The following PDE8B variants were observed in gnomAD, a reference collection of about 807,000 sequenced individuals.
The protein encoded by PDE8B is phosphodiesterase 8B.
In PDE8B, 26 loss-of-function variants were observed where a neutral mutation model predicts 101.3. The ratio of observed to expected loss-of-function variants is 0.26; its 90% CI spans 0.19 to 0.36. The LOEUF is 0.36. PDE8B is among the 10% of genes least tolerant of loss of function. The probability of loss-of-function intolerance (pLI) is 1.00; values close to 1 mark genes in which losing one functional copy is unlikely to be tolerated. For synonymous variants in PDE8B, 424 were observed against 429.3 expected (o/e 0.99, Z 0.15); for missense variants, 810 against 1,163.1 (o/e 0.70, Z 4.42).
At chr5:77,419,743 C>T (rs1362708289) in intron 18 of PDE8B, 24 bp from the exon 19 acceptor site, 4 of 1,613,326 alleles carry the variant, frequency 2.5e-6, no homozygotes, top group Non-Finnish European at 3.4e-6. Flanking sequence ...GTGAACAAGC[C>T]CCTTTGTCTT....
the PDE8B span, among the ~76,000 whole-genome samples, chr5:77,132,238 C>A: frequency 6.6e-6 from 1 of 152,030 alleles, no homozygotes; most frequent in East Asian, 1.9e-4. Context: ...AGCCCATGTC[C>A]CACCCCTCAT....
intron 1 of PDE8B, among the ~76,000 whole-genome samples, chr5:77,233,803 T>G (rs974469603): frequency 6.8e-4 from 103 of 152,112 alleles, no homozygotes; most frequent in African/African-American, 2.2e-3. Flanking sequence ...TTTGAGTTTT[T>G]TTTTTTTTTA....
chr5:77,091,590 G>A, the PDE8B span, among the ~76,000 whole-genome samples: 5 of 152,242 alleles, frequency 3.3e-5, no homozygotes, highest in East Asian at 1.9e-4. Context: ...GCAGCGAGCC[G>A]AGATCGTGCA....
At chr5:77,209,116 G>T (rs996197990), upstream of PDE8B, among the ~76,000 whole-genome samples, 3 of 152,132 alleles carry the variant, frequency 2.0e-5, no homozygotes, top group African/African-American at 7.2e-5. Flanking sequence ...TGAGCAATTT[G>T]CCTGTCCATT....
the PDE8B span, among the ~76,000 whole-genome samples, chr5:77,128,474 G>A: frequency 6.6e-6 from 1 of 152,234 alleles, no homozygotes; most frequent in African/African-American, 2.4e-5. Flanking sequence ...TTTATGGGTT[G>A]TGCATGCATG....
the PDE8B span, among the ~76,000 whole-genome samples, chr5:77,130,685 T>C: frequency 6.6e-6 from 1 of 152,062 alleles, no homozygotes; most frequent in Non-Finnish European, 1.5e-5. Context: ...CATAATCAAA[T>C]ACATTGATAT....
At chr5:77,265,675 T>C (rs887864102) in intron 1 of PDE8B, among the ~76,000 whole-genome samples, 1 of 152,242 alleles carries the variant, frequency 6.6e-6, no homozygotes, top group Non-Finnish European at 1.5e-5. Flanking sequence ...GTACCTTCCC[T>C]CTCTGGGCTC....
At chr5:77,125,858 TA>T in the PDE8B span, among the ~76,000 whole-genome samples, 26 of 151,952 alleles carry the variant, frequency 1.7e-4, no homozygotes, top group African/African-American at 5.6e-4. Flanking sequence ...TTTAGGGTGA[TA>T]AAAAAAATTC....
At chr5:77,339,575 G>A (rs1452979927) in intron 6 of PDE8B, among the ~76,000 whole-genome samples, 2 of 152,110 alleles carry the variant, frequency 1.3e-5, no homozygotes, top group African/African-American at 4.8e-5. Flanking sequence ...GGGACATCTA[G>A]CACATATACC....
intron 1 of PDE8B, among the ~76,000 whole-genome samples, chr5:77,252,511 T>A (rs967592024): frequency 6.6e-6 from 1 of 152,218 alleles, no homozygotes; most frequent in Non-Finnish European, 1.5e-5. Context: ...ATTGGGCACG[T>A]TGGTCCTAAT....
the PDE8B span, among the ~76,000 whole-genome samples, chr5:77,096,229 T>A: frequency 2.0e-5 from 3 of 152,212 alleles, no homozygotes; most frequent in African/African-American, 7.2e-5. Flanking sequence ...CCTCAAGTGA[T>A]CTGCCTGCCT....
chr5:77,336,181 T>TA (rs1239029011), intron 5 of PDE8B, among the ~76,000 whole-genome samples: 1 of 152,216 alleles, frequency 6.6e-6, no homozygotes, highest in African/African-American at 2.4e-5. Context: ...AGTTTATTTA[T>TA]AAATACATGA....
the PDE8B span, among the ~76,000 whole-genome samples, chr5:77,156,769 C>T: frequency 6.6e-6 from 1 of 152,090 alleles, no homozygotes; most frequent in Non-Finnish European, 1.5e-5. Flanking sequence ...CCTCTGTTCA[C>T]CCACTTTCTG....
At chr5:77,399,746 G>A (rs1791859535) in intron 10 of PDE8B, among the ~76,000 whole-genome samples, 1 of 152,202 alleles carries the variant, frequency 6.6e-6, no homozygotes, top group Admixed American at 6.5e-5. Context: ...CTAAAGTTCA[G>A]ATCTCATCGT....
intron 15 of PDE8B, 142 bp from the exon 16 acceptor site, chr5:77,411,958 A>G (rs1581562386): frequency 2.4e-6 from 2 of 850,338 alleles, no homozygotes; most frequent in South Asian, 1.4e-5. Flanking sequence ...TTATTTTTCT[A>G]TTTGAGGGTC....
At chr5:77,226,576 TAC>T (rs1752441632) in intron 1 of PDE8B, among the ~76,000 whole-genome samples, 1 of 152,250 alleles carries the variant, frequency 6.6e-6, no homozygotes, top group Admixed American at 6.5e-5. Flanking sequence ...TTTCATATCA[TAC>T]AGTCTAATTT....
chr5:77,155,141 C>T, the PDE8B span, among the ~76,000 whole-genome samples: 1 of 152,062 alleles, frequency 6.6e-6, no homozygotes, highest in African/African-American at 2.4e-5. Flanking sequence ...TCTCCCTCCT[C>T]TCTCTCTCTC....
At chr5:77,163,824 T>C in the PDE8B span, among the ~76,000 whole-genome samples, 4 of 152,168 alleles carry the variant, frequency 2.6e-5, no homozygotes, top group African/African-American at 9.7e-5. Context: ...GTATGTAGAG[T>C]CACAGTTTAA....
chr5:77,389,343 GT>G (rs1352112537), intron 10 of PDE8B, among the ~76,000 whole-genome samples: 1 of 152,158 alleles, frequency 6.6e-6, no homozygotes, highest in Admixed American at 6.5e-5. Context: ...GACCACTTGT[GT>G]TTCCCAGGTG....
Sources: allele counts gnomAD v4.1 joint callset (sites outside exome capture counted in the v4.1 genomes callset), GRCh38; gene constraint gnomAD v4.1.1; transcripts MANE v1.5; gene names NCBI Gene and HGNC (gene_info 2026-07-23, HGNC 2026-07-21).